Variants in CSGALNACT1 observed in about 807,000 individuals in gnomAD.
CSGALNACT1 encodes the protein chondroitin sulfate N-acetylgalactosaminyltransferase 1, also known as beta4GalNAcT-1.
CSGALNACT1 carries 52 observed loss-of-function variants against 51.0 expected under a neutral mutation model. The ratio of observed to expected loss-of-function variants is 1.02; its 90% CI spans 0.82 to 1.29. CSGALNACT1 has a LOEUF of 1.29. Ranked by LOEUF, CSGALNACT1 falls within the 50% of genes most tolerant of loss-of-function variation. CSGALNACT1 has a pLI of 0.00. For synonymous variants in CSGALNACT1, 341 were observed against 254.4 expected (o/e 1.34, Z -3.24); for missense variants, 935 against 679.2 (o/e 1.38, Z -4.19).
At chr8:19,750,867 T>G (rs2064985637) in intron 1 of CSGALNACT1, among the ~76,000 whole-genome samples, 1 of 152,134 alleles carries the variant, frequency 6.6e-6, no homozygotes, top group Admixed American at 6.5e-5. Context: ...TCGATCTTAT[T>G]CATACTTTCT....
At chr8:19,496,691 G>A (rs1302296972) in intron 4 of CSGALNACT1, among the ~76,000 whole-genome samples, 2 of 152,170 alleles carry the variant, frequency 1.3e-5, no homozygotes, top group Non-Finnish European at 2.9e-5. Flanking sequence ...AGTCACAGGT[G>A]CTGGCAGGGA....
intron 1 of CSGALNACT1, among the ~76,000 whole-genome samples, chr8:19,609,780 C>A (rs2051942665): frequency 6.6e-6 from 1 of 152,032 alleles, no homozygotes; most frequent in Non-Finnish European, 1.5e-5. Context: ...TATGTGTATA[C>A]ATATGTCAAA....
intron 1 of CSGALNACT1, among the ~76,000 whole-genome samples, chr8:19,657,038 A>G (rs1387029255): frequency 1.3e-5 from 2 of 150,100 alleles, no homozygotes; most frequent in African/African-American, 2.5e-5. Context: ...ACTCCAGCCC[A>G]GGCAACAGAG....
At position 19,662,149 on chromosome 8, in the gene CSGALNACT1, G is replaced by A. The variant is rs1297909644; in HGVS notation, c.-544+20324C>T. On this transcript the variant is annotated intron_variant, in intron 1 of 9. Coordinates refer to the CSGALNACT1 transcript ENST00000332246. ...CAGCAACTGAGGCTAGGTGCGGTGG[G>A]GCTCACACTGGTAATCCCAGCACCT... is the stretch of plus-strand genomic sequence containing the variant. Among the ~76,000 whole-genome samples the A allele has an allele frequency of 2.8e-5, 4 of 144,878 alleles. No homozygotes were observed. In the Admixed American group the frequency reaches 2.9e-4, roughly 10 times the overall value.
chr8:19,425,919 C>T (rs1253174621), intron 6 of CSGALNACT1, among the ~76,000 whole-genome samples: 1 of 152,124 alleles, frequency 6.6e-6, no homozygotes, highest in Non-Finnish European at 1.5e-5. Context: ...TGTGCCTCGC[C>T]GCAAACTTAC....
chr8:19,467,777 G>C (rs924497818), intron 4 of CSGALNACT1, among the ~76,000 whole-genome samples: 1 of 152,140 alleles, frequency 6.6e-6, no homozygotes, highest in Non-Finnish European at 1.5e-5. Context: ...TTGAGCCTAG[G>C]AGTTCCAGAT....
At position 19,563,728 on chromosome 8, in the gene CSGALNACT1, T is replaced by A. The variant is rs541483720; in HGVS notation, c.-297+27432A>T. ...CAGATCTTTAATCCACCCTTCAAAG[T>A]CAGCGGATCCAGCCTCCTAACACAA... On this transcript the variant is annotated intron_variant, in intron 3 of 9. Transcript: ENST00000454498. 2.0e-5 allele frequency among the ~76,000 whole-genome samples: 3 copies of A among 152,304 alleles called. No homozygotes were observed. The South Asian group carries it at 6.2e-4, about 32-fold the overall frequency.
intron 1 of CSGALNACT1, among the ~76,000 whole-genome samples, chr8:19,704,313 T>A (rs2062039628): frequency 6.6e-6 from 1 of 152,196 alleles, no homozygotes; most frequent in Non-Finnish European, 1.5e-5. Flanking sequence ...AAATTTTGAA[T>A]TTTTCCAAAG....
At chr8:19,532,933 C>T (rs546207385) in intron 3 of CSGALNACT1, among the ~76,000 whole-genome samples, 1 of 152,094 alleles carries the variant, frequency 6.6e-6, no homozygotes, top group East Asian at 1.9e-4. Context: ...ACATCCCATC[C>T]GATCAACACT....
At chr8:19,603,386 G>T (rs1455386028), upstream of CSGALNACT1, among the ~76,000 whole-genome samples, 2 of 152,192 alleles carry the variant, frequency 1.3e-5, no homozygotes, top group African/African-American at 2.4e-5. Flanking sequence ...TGTTGGAGAG[G>T]GTTGCCGACT....
intron 8 of CSGALNACT1, among the ~76,000 whole-genome samples, chr8:19,410,650 A>C (rs1439059963): frequency 6.6e-6 from 1 of 152,226 alleles, no homozygotes; most frequent in Non-Finnish European, 1.5e-5. Flanking sequence ...TTCGAGGTTG[A>C]ACAAGGTGAA....
chr8:19,416,296 G>A (rs1021690265), intron 8 of CSGALNACT1, among the ~76,000 whole-genome samples: 5 of 151,976 alleles, frequency 3.3e-5, no homozygotes, highest in Admixed American at 3.3e-4. Flanking sequence ...TGAATTTTTA[G>A]TAGAGATGGG....
chr8:19,661,184 G>A (rs1049638313), intron 1 of CSGALNACT1, among the ~76,000 whole-genome samples: 1 of 151,994 alleles, frequency 6.6e-6, no homozygotes, highest in African/African-American at 2.4e-5. Flanking sequence ...AAAGTGTTGG[G>A]ATTAGAGGCG....
chr8:19,544,498 T>G (rs1164038592), intron 3 of CSGALNACT1, among the ~76,000 whole-genome samples: 3 of 152,212 alleles, frequency 2.0e-5, no homozygotes, highest in Non-Finnish European at 4.4e-5. Context: ...TGTGTTTTCT[T>G]TAACTACTTG....
intron 4 of CSGALNACT1, among the ~76,000 whole-genome samples, chr8:19,497,601 G>C (rs1169905822): frequency 6.6e-6 from 1 of 152,192 alleles, no homozygotes; most frequent in Non-Finnish European, 1.5e-5. Context: ...AATTATATGG[G>C]TCACTTCTGC....
chr8:19,503,760 T>G (rs1415164080), intron 4 of CSGALNACT1, among the ~76,000 whole-genome samples: 2 of 152,076 alleles, frequency 1.3e-5, no homozygotes, highest in Non-Finnish European at 2.9e-5. Context: ...CTAGACATTT[T>G]TACTGTTTCA....
At chr8:19,640,600 A>C (rs977705900) in intron 1 of CSGALNACT1, among the ~76,000 whole-genome samples, 6 of 152,232 alleles carry the variant, frequency 3.9e-5, no homozygotes, top group African/African-American at 1.2e-4. Context: ...ATTAATTCTA[A>C]GCAGATTCTT....
At chr8:19,556,594 A>C (rs1437053843) in intron 3 of CSGALNACT1, among the ~76,000 whole-genome samples, 1 of 152,152 alleles carries the variant, frequency 6.6e-6, no homozygotes, top group African/African-American at 2.4e-5. Context: ...TAGTCAATTT[A>C]ATGAGTTGGC....
At chr8:19,708,184 G>A (rs1015332292) in intron 1 of CSGALNACT1, among the ~76,000 whole-genome samples, 1 of 152,176 alleles carries the variant, frequency 6.6e-6, no homozygotes, top group African/African-American at 2.4e-5. Flanking sequence ...ACATTGCCCT[G>A]TTTTATTTTG....
Sources: gnomAD v4.1 joint callset for allele counts (sites outside exome capture counted in the v4.1 genomes callset) on GRCh38, gnomAD v4.1.1 for gene constraint, MANE v1.5 for transcripts, NCBI Gene and HGNC (gene_info 2026-07-23, HGNC 2026-07-21) for gene names.